Variants in PDE5A observed in about 807,000 individuals in gnomAD.
The protein encoded by PDE5A is phosphodiesterase 5A, also known as cGMP-specific 3',5'-cyclic phosphodiesterase.
A neutral mutation model predicts 110.2 loss-of-function variants in PDE5A; 67 were observed. That is an observed-to-expected ratio of 0.61 (90% CI 0.50 to 0.75). PDE5A has a LOEUF of 0.75. Ranked by LOEUF, PDE5A falls within the 30% of genes least tolerant of loss-of-function variation. The pLI is 0.00. For missense variants in PDE5A, 862 were observed against 1,045.1 expected, an observed-to-expected ratio of 0.82 and a Z score of 2.42; for synonymous variants, 328 against 351.2, an observed-to-expected ratio of 0.93 and a Z score of 0.74.
chr4:119,560,894 T>C (rs28735358), intron 6 of PDE5A, among the ~76,000 whole-genome samples: 44,636 of 152,126 alleles, frequency 0.29, 6,590 homozygotes, highest in East Asian at 0.38. Context: ...CCAAGGTGGG[T>C]GGATCACTTG....
intron 15 of PDE5A, among the ~76,000 whole-genome samples, 173 bp from the exon 16 acceptor site, chr4:119,507,877 C>T (rs1725608188): frequency 6.6e-6 from 1 of 151,954 alleles, no homozygotes; most frequent in Admixed American, 6.6e-5. Context: ...CCCAACCCCT[C>T]TGTCATACAT....
At chr4:119,613,554 T>C (rs545673349) in intron 1 of PDE5A, among the ~76,000 whole-genome samples, 13 of 152,264 alleles carry the variant, frequency 8.5e-5, no homozygotes, top group South Asian at 2.1e-4. Flanking sequence ...CATATGAAGT[T>C]AGGTAAATGT....
At chr4:119,521,978 A>G (rs1414528843) in intron 12 of PDE5A, among the ~76,000 whole-genome samples, 1 of 152,102 alleles carries the variant, frequency 6.6e-6, no homozygotes, top group East Asian at 1.9e-4. Flanking sequence ...TTCAAACACA[A>G]AGAACATTGC....
intron 9 of PDE5A, chr4:119,552,000 T>C (rs550944472): frequency 6.6e-6 from 1 of 152,134 alleles, no homozygotes; most frequent in Non-Finnish European, 1.5e-5. Flanking sequence ...GAAACAAATA[T>C]GTCAATAAAA....
intron 12 of PDE5A, among the ~76,000 whole-genome samples, chr4:119,524,866 C>T (rs1284607802): frequency 6.6e-6 from 1 of 151,886 alleles, no homozygotes; most frequent in Non-Finnish European, 1.5e-5. Context: ...AACGGAATTC[C>T]CTAGTATCTC....
intron 16 of PDE5A, among the ~76,000 whole-genome samples, chr4:119,506,554 C>T (rs528824587): frequency 2.6e-5 from 4 of 151,518 alleles, no homozygotes; most frequent in Non-Finnish European, 4.4e-5. Context: ...GAAAAACTTA[C>T]GTAATAAAAC....
At chr4:119,518,990 A>G (rs1726015170) in intron 14 of PDE5A, 55 bp downstream of exon 14, 11 of 1,268,090 alleles carry the variant, frequency 8.7e-6, no homozygotes, top group Non-Finnish European at 2.3e-6. Flanking sequence ...ACTTAAAAAA[A>G]GACAGCCCTA....
In PDE5A at chr4:119,606,892, G is replaced by A. The variant is rs752952681; in HGVS notation, c.558C>T (p.Ser186=). The A allele has an allele frequency of 2.5e-6, 4 of 1,614,058 alleles. No homozygotes were observed. The highest frequency in any genetic ancestry group is 2.7e-5 in the African/African-American group (2 of 74,922). ...AGCTGTCTTCACAGACAAGGAACAG[G>A]GAATAGCGGTCAGCAGATATCAGTC... ...IHGLISADRY[S]LFLVCEDSSN... The change falls in exon 2 of 21, where the codon TCC becomes TCT. Residue 186 remains serine (S), a synonymous_variant. Coordinates refer to ENST00000354960, the MANE Select transcript of PDE5A (RefSeq NM_001083.4).
chr4:119,501,675 A>G (rs1725338676), intron 19 of PDE5A, among the ~76,000 whole-genome samples: 1 of 152,104 alleles, frequency 6.6e-6, no homozygotes, highest in African/African-American at 2.4e-5. Flanking sequence ...CAACTAATAC[A>G]AAAAGAAAAA....
chr4:119,570,195 A>G (rs546190517), intron 3 of PDE5A, among the ~76,000 whole-genome samples: 1 of 152,228 alleles, frequency 6.6e-6, no homozygotes, highest in Non-Finnish European at 1.5e-5. Flanking sequence ...CTCATGTTCA[A>G]ATAAATTCAG....
intron 3 of PDE5A, among the ~76,000 whole-genome samples, chr4:119,581,802 G>A (rs1728598249): frequency 6.6e-6 from 1 of 152,194 alleles, no homozygotes; most frequent in Non-Finnish European, 1.5e-5. Context: ...GGATATAAAA[G>A]TTATTTTTAG....
chr4:119,504,423 G>T, intron 18 of PDE5A, 113 bp downstream of exon 18: 4 of 743,312 alleles, frequency 5.4e-6, no homozygotes, highest in Non-Finnish European at 8.9e-6. Flanking sequence ...ACATATAAGT[G>T]TCTTTTTTAT....
At chr4:119,617,185 T>C (rs1729971851) in intron 1 of PDE5A, among the ~76,000 whole-genome samples, 1 of 152,150 alleles carries the variant, frequency 6.6e-6, no homozygotes, top group Admixed American at 6.5e-5. Context: ...TATAAACCTA[T>C]CACAAAATAG....
At chr4:119,599,869 A>G (rs1729282600) in intron 2 of PDE5A, among the ~76,000 whole-genome samples, 1 of 152,144 alleles carries the variant, frequency 6.6e-6, no homozygotes, top group African/African-American at 2.4e-5. Flanking sequence ...AATGATATGT[A>G]GGGTGAAACA....
chr4:119,504,599 C>T lies in PDE5A; in HGVS notation c.2268G>A (p.Leu756=). 2 of 1,611,264 alleles carry T rather than the reference C, an allele frequency of 1.2e-6. No individual in the cohort carries two copies. The highest frequency in any genetic ancestry group is 1.3e-5 in the African/African-American group (1 of 74,858). The change falls in exon 18 of 21, where the codon TTG becomes TTA. Residue 756 remains leucine (L), a splice_region_variant and synonymous_variant. Transcript: ENST00000354960. ...LEDPHQKELF[L]AMLMTACDLS... ...GATCACAAGCTGTCATCAGCATTGC[C>T]CTGTTATGGAAAAAAGAAACCCAAA...
chr4:119,500,928 T>G (rs1725296906), intron 20 of PDE5A: 1 of 482,646 alleles, frequency 2.1e-6, no homozygotes. Context: ...TGGCACATAA[T>G]TCTTCTTAGC....
In PDE5A at chr4:119,494,770, G is replaced by A. The variant is rs1725000230; in HGVS notation, c.*3831C>T. On this transcript the variant is annotated 3_prime_UTR_variant, in exon 21 of 21. Transcript: ENST00000354960. ...AACAGTGGCTAGTGATGCCTCATAA[G>A]GTTTTCTTAAACTGTAATATAAATT... is the stretch of plus-strand genomic sequence containing the variant. The A allele has an allele frequency of 6.6e-6, 1 of 152,380 alleles. No homozygotes were observed. Among genetic ancestry groups the A allele is most frequent in the Admixed American group, 6.6e-5 (1 of 15,242 alleles). The allele number at this position is 152,380 out of a possible 1,614,324, so 9.4% of individuals were successfully genotyped here. A position where few individuals can be genotyped will look rare whatever the true frequency, so the allele number is the denominator to read the frequency against.
Position 119,608,204 on chromosome 4 carries a change from TTATCTA to T in PDE5A, c.153-913_153-908del, listed in dbSNP as rs531896449. Reference sequence around the variant, plus strand: ...GGTAAAAAAGATCTATTTTTCTAGATTATCTATGACTATTTTAAAGTAGGCTTTATC... The same window carrying T: ...GGTAAAAAAGATCTATTTTTCTAGATTGACTATTTTAAAGTAGGCTTTATC... On this transcript the variant is annotated intron_variant, in intron 1 of 20. Coordinates refer to ENST00000354960, the MANE Select transcript of PDE5A (RefSeq NM_001083.4). Among the ~76,000 whole-genome samples, 70 of 152,342 alleles carry T rather than the reference TTATCTA, an allele frequency of 4.6e-4. 3 individuals are homozygous for T. The highest frequency in any genetic ancestry group is 3.6e-3 in the Admixed American group (55 of 15,306).
rs1195447461 is a variant in PDE5A, at chr4:119,504,530, A to G, written c.2331+6T>C. The G allele has an allele frequency of 1.9e-6, 3 of 1,606,400 alleles. No homozygotes were observed. The highest frequency in any genetic ancestry group is 3.3e-5 in the Admixed American group (2 of 59,818). On this transcript the variant is annotated splice_donor_region_variant and intron_variant, in intron 18 of 20. Transcript: ENST00000354960. ...TAATTATTGTTATTGTCACTAAGTA[A>G]CATACCCGTTGTTGAATAGGCCAGG...
Sources: gnomAD v4.1 joint callset for allele counts (sites outside exome capture counted in the v4.1 genomes callset) on GRCh38, gnomAD v4.1.1 for gene constraint, MANE v1.5 for transcripts, NCBI Gene and HGNC (gene_info 2026-07-23, HGNC 2026-07-21) for gene names.